INPP5B: variants seen among roughly 807,000 people sequenced by gnomAD.
The protein encoded by INPP5B is inositol polyphosphate-5-phosphatase B.
Under a neutral mutation model 118.5 loss-of-function variants are expected in INPP5B, and 90 were observed. That is an observed-to-expected ratio of 0.76 (90% CI 0.64 to 0.90). The LOEUF is 0.90. Among genes scored for constraint, INPP5B ranks in the 40% least tolerant of loss-of-function variants. The pLI is 0.00. For synonymous variants in INPP5B, 385 were observed against 418.9 expected (o/e 0.92, Z 0.99); for missense variants, 984 against 1,125.6 (o/e 0.87, Z 1.80).
At chr1:37,900,495 C>T (rs975460501) in intron 7 of INPP5B, among the ~76,000 whole-genome samples, 8 of 151,618 alleles carry the variant, frequency 5.3e-5, no homozygotes, top group African/African-American at 9.7e-5. Flanking sequence ...CTTCATGATC[C>T]GCCCGCCTCA....
intron 19 of INPP5B, among the ~76,000 whole-genome samples, chr1:37,871,851 G>A (rs958751078): frequency 1.3e-5 from 2 of 150,518 alleles, no homozygotes; most frequent in African/African-American, 2.4e-5. Context: ...GAGCCAAGAT[G>A]TGCCACTGCA....
At chr1:37,926,856 G>C (rs1645249057) in intron 7 of INPP5B, among the ~76,000 whole-genome samples, 1 of 152,062 alleles carries the variant, frequency 6.6e-6, no homozygotes, top group Non-Finnish European at 1.5e-5. Flanking sequence ...AACTTCAGTT[G>C]CTAGATGGAA....
intron 18 of INPP5B, 115 bp downstream of exon 18, chr1:37,873,878 G>C: frequency 1.4e-6 from 1 of 708,354 alleles, no homozygotes; most frequent in Middle Eastern, 4.2e-4. Context: ...TTTTTAAAAA[G>C]CCTCAAGCAG....
At chr1:37,931,867 C>CA in intron 7 of INPP5B, 46 bp downstream of exon 7, 1 of 1,613,322 alleles carries the variant, frequency 6.2e-7, no homozygotes, top group Non-Finnish European at 8.5e-7. Context: ...CCCCTGTGGC[C>CA]GGGCCTCCTC....
rs570470984 is a variant in INPP5B, at chr1:37,943,188, C to T, written c.280+452G>A. On this transcript the variant is annotated intron_variant, in intron 5 of 23. Coordinates refer to ENST00000373024, the MANE Select transcript of INPP5B (RefSeq NM_005540.3). ...GCTAATTTTGTATTTTTAGTAGAGA[C>T]GGGGTTTCTCCATGTTGGTCAGGCT... Among the ~76,000 whole-genome samples the T allele has an allele frequency of 7.9e-5, 12 of 151,942 alleles. No individual in the cohort carries two copies. The South Asian group carries it at 1.0e-3, about 13-fold the overall frequency.
rs368327131 is a variant in INPP5B at position 37,917,308 on chromosome 1, T to TTATATA, written c.532+14599_532+14604dup. ...CGTCTCGGGGGAAAAAAAAAAATAATTATATATATATATATATATATATAT... is the reference window on the plus strand; with the variant it reads ...CGTCTCGGGGGAAAAAAAAAAATAATTATATATATATATATATATATATATATATAT... On this transcript the variant is annotated intron_variant, in intron 7 of 23. Transcript: ENST00000373024. Among the ~76,000 whole-genome samples, 857 of 92,752 alleles carry TTATATA rather than the reference T, an allele frequency of 9.2e-3. 22 individuals carry two copies. Among genetic ancestry groups the TTATATA allele is most frequent in the African/African-American group, 0.03 (724 of 24,282 alleles). The allele number at this position is 92,752 out of a possible 152,430, so 60.8% of individuals were successfully genotyped here. A position where few individuals can be genotyped will look rare whatever the true frequency, so the allele number is the denominator to read the frequency against.
chr1:37,892,986 T>G (rs1270098796), intron 7 of INPP5B, among the ~76,000 whole-genome samples: 1 of 152,168 alleles, frequency 6.6e-6, no homozygotes, highest in African/African-American at 2.4e-5. Flanking sequence ...CACCTTGATC[T>G]TGGACTTCTC....
At chr1:37,883,872 AT>A (rs770946907) in intron 13 of INPP5B, 25 of 983,736 alleles carry the variant, frequency 2.5e-5, no homozygotes, top group Non-Finnish European at 2.9e-5. Context: ...CTTCCTCTTT[AT>A]AAAAGAAGTG....
chr1:37,921,328 A>G (rs1364306773), intron 7 of INPP5B, among the ~76,000 whole-genome samples: 2 of 152,236 alleles, frequency 1.3e-5, no homozygotes, highest in Admixed American at 6.5e-5. Flanking sequence ...AGCACATAGT[A>G]CACAGGGCAG....
intron 8 of INPP5B, among the ~76,000 whole-genome samples, chr1:37,890,025 C>A (rs545766080): frequency 6.6e-6 from 1 of 152,138 alleles, no homozygotes; most frequent in African/African-American, 2.4e-5. Flanking sequence ...AAAAATGAAA[C>A]CCAGTGTCAT....
In INPP5B at chr1:37,886,751, C is replaced by A. The variant is rs983713447; in HGVS notation, c.1131+137G>T. The A allele has an allele frequency of 1.1e-5, 8 of 696,590 alleles. No homozygotes were observed. In the African/African-American group the frequency reaches 1.4e-4, roughly 12 times the overall value. 43.2% of individuals were successfully genotyped at this position (696,590 alleles called of 1,614,324 possible). A position where few individuals can be genotyped will look rare whatever the true frequency, so the allele number is the denominator to read the frequency against. ...TCTAAATAGTTTGCTCGACTGAGCCCTGCTTGAGGGTATGATTCATCTTGG... is the reference window on the plus strand; with the variant it reads ...TCTAAATAGTTTGCTCGACTGAGCCATGCTTGAGGGTATGATTCATCTTGG... On this transcript the variant is annotated intron_variant, in intron 12 of 23. Coordinates refer to ENST00000373024, the MANE Select transcript of INPP5B (RefSeq NM_005540.3).
intron 20 of INPP5B, 107 bp from the exon 21 acceptor site, chr1:37,866,650 G>A (rs2148447441): frequency 1.4e-6 from 1 of 708,580 alleles, no homozygotes; most frequent in African/African-American, 1.7e-5. Context: ...GCAGTGTGGT[G>A]AGGCCTCTGA....
chr1:37,869,117 C>T (rs1217118008), intron 19 of INPP5B, among the ~76,000 whole-genome samples: 1 of 152,150 alleles, frequency 6.6e-6, no homozygotes, highest in African/African-American at 2.4e-5. Flanking sequence ...CTCAGCCTCC[C>T]TAGTAGCTGG....
chr1:37,939,764 CA>C (rs1645847394), intron 6 of INPP5B, among the ~76,000 whole-genome samples: 1 of 151,638 alleles, frequency 6.6e-6, no homozygotes, highest in Admixed American at 6.6e-5. Flanking sequence ...TTTTTAGAGA[CA>C]GGGGTCTCAC....
chr1:37,879,188 C>T (rs958171763), intron 15 of INPP5B, among the ~76,000 whole-genome samples: 5 of 151,634 alleles, frequency 3.3e-5, no homozygotes, highest in African/African-American at 9.7e-5. Flanking sequence ...AGGAGAATTG[C>T]TTGAACCCGG....
At chr1:37,867,859 C>T (rs1342684635) in intron 20 of INPP5B, among the ~76,000 whole-genome samples, 1 of 152,010 alleles carries the variant, frequency 6.6e-6, no homozygotes, top group East Asian at 1.9e-4. Flanking sequence ...ACAAGTTGGC[C>T]CCACCCATTC....
At chr1:37,933,392 C>G (rs1472776266) in intron 6 of INPP5B, among the ~76,000 whole-genome samples, 1 of 151,936 alleles carries the variant, frequency 6.6e-6, no homozygotes, top group African/African-American at 2.4e-5. Flanking sequence ...ACAAAAAATA[C>G]AAAAAATTAG....
At chr1:37,873,957 A>G (rs1328273638) in intron 18 of INPP5B, 36 bp downstream of exon 18, 1 of 1,484,658 alleles carries the variant, frequency 6.7e-7, no homozygotes, top group South Asian at 1.4e-5. Flanking sequence ...GCATTCCCCA[A>G]ACCAGATACC....
Position 37,862,050 on chromosome 1 carries a change from T to TA in INPP5B, c.*264dup, listed in dbSNP as rs891357188. On this transcript the variant is annotated 3_prime_UTR_variant, in exon 24 of 24. Coordinates refer to ENST00000373024, the MANE Select transcript of INPP5B (RefSeq NM_005540.3). ...AACTCCGTCTCAAAATAAAAAAAAA[T>TA]AAAAAATAAAAAAATCTGTGTTAAA... The TA allele has an allele frequency of 2.5e-5, 9 of 353,722 alleles. No homozygotes were observed. The highest frequency in any genetic ancestry group is 7.6e-4 in the Middle Eastern group (1 of 1,314). The allele number at this position is 353,722 out of a possible 1,614,324, so 21.9% of individuals were successfully genotyped here.
Sources: allele counts gnomAD v4.1 joint callset (sites outside exome capture counted in the v4.1 genomes callset), GRCh38; gene constraint gnomAD v4.1.1; transcripts MANE v1.5; gene names NCBI Gene and HGNC (gene_info 2026-07-23, HGNC 2026-07-21).